The following SPATA17 variants were observed in gnomAD, a reference collection of about 807,000 sequenced individuals.
The protein encoded by SPATA17 is spermatogenesis associated 17, also known as spermatogenesis-associated protein 17.
In SPATA17, 53 loss-of-function variants were observed where a neutral mutation model predicts 62.2. The ratio of observed to expected loss-of-function variants is 0.85; its 90% confidence interval spans 0.68 to 1.07. The LOEUF is 1.07. SPATA17 is among the 50% of genes least tolerant of loss of function. The pLI is 0.00. For missense variants in SPATA17, 466 were observed against 425.5 expected (o/e 1.10, Z -0.84); for synonymous variants, 146 against 146.8 (o/e 0.99, Z 0.04).
chr1:217,782,087 C>T (rs1220856901), intron 7 of SPATA17, 87 bp from the exon 8 acceptor site: 1 of 1,317,050 alleles, frequency 7.6e-7, no homozygotes, highest in Non-Finnish European at 1.0e-6. Context: ...ACCTGCTATA[C>T]TTTGTAGATG....
intron 9 of SPATA17, among the ~76,000 whole-genome samples, chr1:217,838,013 G>A (rs1436082365): frequency 6.6e-6 from 1 of 151,916 alleles, no homozygotes; most frequent in Non-Finnish European, 1.5e-5. Context: ...AATACACATT[G>A]GATTTTGAAG....
intron 9 of SPATA17, among the ~76,000 whole-genome samples, chr1:217,858,654 G>T (rs903994395): frequency 2.0e-5 from 3 of 152,196 alleles, no homozygotes. Flanking sequence ...TTGGGAGGCT[G>T]AGGTGGGAGG....
chr1:217,672,531 T>C (rs1014982493), intron 4 of SPATA17, among the ~76,000 whole-genome samples: 1 of 152,186 alleles, frequency 6.6e-6, no homozygotes, highest in African/African-American at 2.4e-5. Context: ...CTAAAATGTA[T>C]TCAATTGTCA....
At chr1:217,708,485 C>T (rs775961066) in intron 5 of SPATA17, among the ~76,000 whole-genome samples, 1 of 151,986 alleles carries the variant, frequency 6.6e-6, no homozygotes, top group Non-Finnish European at 1.5e-5. Flanking sequence ...AACATACAAC[C>T]TCCCAAGATT....
intron 5 of SPATA17, among the ~76,000 whole-genome samples, chr1:217,736,780 G>A (rs758826570): frequency 2.0e-5 from 3 of 152,150 alleles, no homozygotes; most frequent in Admixed American, 6.5e-5. Context: ...CATTAATGTT[G>A]TACATTAGAA....
At chr1:217,808,377 ACACACC>A (rs1340399284) in intron 9 of SPATA17, among the ~76,000 whole-genome samples, 26 of 116,896 alleles carry the variant, frequency 2.2e-4, no homozygotes, top group African/African-American at 6.7e-4. Context: ...ACACACACAC[ACACACC>A]CCCCTCAGAA....
At chr1:217,654,470 C>A (rs1333444363) in intron 3 of SPATA17, among the ~76,000 whole-genome samples, 3 of 151,874 alleles carry the variant, frequency 2.0e-5, no homozygotes, top group Admixed American at 1.3e-4. Flanking sequence ...TACATTCAGG[C>A]CACTTTAAAA....
At chr1:217,783,050 A>G (rs927618934) in intron 8 of SPATA17, among the ~76,000 whole-genome samples, 9 of 151,188 alleles carry the variant, frequency 6.0e-5, no homozygotes, top group African/African-American at 2.2e-4. Flanking sequence ...TATGCTAAGT[A>G]AGACATTATT....
intron 5 of SPATA17, among the ~76,000 whole-genome samples, chr1:217,697,682 T>C (rs999673812): frequency 1.3e-5 from 2 of 152,072 alleles, no homozygotes; most frequent in African/African-American, 4.8e-5. Flanking sequence ...TCTATAACTT[T>C]TTTTAAAAAA....
intron 5 of SPATA17, among the ~76,000 whole-genome samples, chr1:217,712,416 G>A (rs1000966799): frequency 6.6e-5 from 10 of 151,972 alleles, no homozygotes; most frequent in African/African-American, 2.4e-4. Flanking sequence ...GTGAGCCACC[G>A]CACCTGGCCT....
chr1:217,699,005 C>A (rs886655077), intron 5 of SPATA17, among the ~76,000 whole-genome samples: 10 of 152,144 alleles, frequency 6.6e-5, no homozygotes, highest in African/African-American at 2.4e-4. Flanking sequence ...TTTTTTTCCA[C>A]CCAGCATTGT....
chr1:217,781,057 A>C (rs1307544789), intron 7 of SPATA17: 1 of 152,158 alleles, frequency 6.6e-6, no homozygotes, highest in African/African-American at 2.4e-5. Flanking sequence ...ACTACTTTCA[A>C]ATATAGCAAT....
intron 9 of SPATA17, among the ~76,000 whole-genome samples, chr1:217,831,586 G>T (rs1050418089): frequency 3.7e-4 from 56 of 152,040 alleles, no homozygotes; most frequent in African/African-American, 1.3e-3. Context: ...TTATAAAAAG[G>T]CCTACTCCAA....
At chr1:217,707,912 C>T (rs1033322997) in intron 5 of SPATA17, among the ~76,000 whole-genome samples, 5 of 152,080 alleles carry the variant, frequency 3.3e-5, no homozygotes, top group Admixed American at 1.3e-4. Context: ...TCCTCAAAAA[C>T]GTACAATTAC....
At chr1:217,654,075 C>G (rs904974580) in intron 3 of SPATA17, among the ~76,000 whole-genome samples, 2 of 150,358 alleles carry the variant, frequency 1.3e-5, no homozygotes, top group African/African-American at 4.9e-5. Flanking sequence ...CCTTCTTTCT[C>G]CCTTCCTTTT....
chr1:217,819,536 T>G (rs895519240), intron 9 of SPATA17, among the ~76,000 whole-genome samples: 1 of 151,964 alleles, frequency 6.6e-6, no homozygotes, highest in African/African-American at 2.4e-5. Flanking sequence ...TAACACTTAG[T>G]TTTGAAATTT....
chr1:217,659,479 C>G (rs183430614), intron 3 of SPATA17, among the ~76,000 whole-genome samples: 355 of 152,068 alleles, frequency 2.3e-3, no homozygotes, highest in Non-Finnish European at 4.1e-3. Context: ...GAATTTTTTA[C>G]TTAAAAATAG....
At chr1:217,798,305 T>C (rs557093294) in intron 8 of SPATA17, among the ~76,000 whole-genome samples, 1 of 152,292 alleles carries the variant, frequency 6.6e-6, no homozygotes, top group East Asian at 1.9e-4. Context: ...TAAGACCTTA[T>C]TTGCTATTCT....
rs1034193028 is a variant in SPATA17 at position 217,726,521 on chromosome 1, A to G, written c.396-15454A>G. ...CTCACTAGGGCCGTCAAACTTGTTC[A>G]GTATTGAACTTGCCCATATACTACA... On this transcript the variant is annotated intron_variant, in intron 5 of 10. Transcript: ENST00000366933. Among the ~76,000 whole-genome samples the G allele has an allele frequency of 5.3e-5, 8 of 152,300 alleles. No homozygotes were observed. In the East Asian group the frequency reaches 1.4e-3, roughly 26 times the overall value.
Sources: allele counts gnomAD v4.1 joint callset (sites outside exome capture counted in the v4.1 genomes callset), GRCh38; gene constraint gnomAD v4.1.1; transcripts MANE v1.5; gene names NCBI Gene and HGNC (gene_info 2026-07-23, HGNC 2026-07-21).